PLEKHM2: variants seen among roughly 807,000 people sequenced by gnomAD.
PLEKHM2 encodes pleckstrin homology domain-containing family M member 2.
PLEKHM2 carries 77 observed loss-of-function variants against 116.3 expected under a neutral mutation model. That is an observed-to-expected ratio of 0.66 (90% CI 0.55 to 0.80). The LOEUF (loss-of-function observed/expected upper bound fraction) is 0.80, where lower values mean the gene tolerates loss of function less well. Among genes scored for constraint, PLEKHM2 ranks in the 30% least tolerant of loss-of-function variants. The probability of loss-of-function intolerance (pLI) is 0.00; values close to 1 mark genes in which losing one functional copy is unlikely to be tolerated. For missense variants in PLEKHM2, 1,183 were observed against 1,354.9 expected (o/e 0.87, Z 1.99); for synonymous variants, 562 against 571.0 (o/e 0.98, Z 0.22).
In PLEKHM2 at chr1:15,734,106, T is replaced by G; in HGVS notation, c.*172T>G. 1 of 714,468 alleles carries G rather than the reference T, an allele frequency of 1.4e-6. No homozygotes were observed. Among genetic ancestry groups the G allele is most frequent in the South Asian group, 2.0e-5 (1 of 49,540 alleles). The allele number at this position is 714,468 out of a possible 1,614,324, so 44.3% of individuals were successfully genotyped here. ...GGTCCCTCCACTCCAGGGATCCAGA[T>G]CAGGTGCCCGGCACCCCTGGGCATC... On this transcript the variant is annotated 3_prime_UTR_variant, in exon 20 of 20. Coordinates refer to ENST00000375799, the MANE Select transcript of PLEKHM2 (RefSeq NM_015164.4).
upstream of PLEKHM2, among the ~76,000 whole-genome samples, chr1:15,682,633 C>CA (rs1316014818): frequency 0.013 from 1,601 of 124,362 alleles, 45 homozygotes; most frequent in African/African-American, 0.047. Flanking sequence ...ACAAACAAAA[C>CA]AAAACAAAAC....
intron 7 of PLEKHM2, among the ~76,000 whole-genome samples, chr1:15,722,460 A>T (rs1472091372): frequency 6.6e-6 from 1 of 152,088 alleles, no homozygotes; most frequent in Non-Finnish European, 1.5e-5. Flanking sequence ...CCTGTTATTA[A>T]AGAGCCTCCT....
chr1:15,727,642 G>A lies in PLEKHM2; in HGVS notation c.1570G>A (p.Ala524Thr), dbSNP rs1178635202. Residue 524 changes from alanine to threonine, a missense_variant, in exon 9 of 20, where the codon GCT becomes ACT. Ala to Thr is a moderately conservative substitution (Grantham distance 58). Around this residue, in one of 3 missense-constraint regions of PLEKHM2, gnomAD observed 594 missense variants for 720.1 expected, o/e 0.82. Coordinates refer to ENST00000375799, the MANE Select transcript of PLEKHM2 (RefSeq NM_015164.4). This position sits in a 1 kb window ranked among gnomAD's most constrained non-coding sequence, Gnocchi z 7.5. ...PRPLEDTTRE[A>T]QELEAQLSLV... is the part of the protein sequence containing the mutation. ...GCCCCTAGAGGATACCACGAGGGAG[G>A]CTCAGGAGCTGGAGGCCCAGCTGTC... The A allele has an allele frequency of 6.3e-7, 1 of 1,593,020 alleles. No homozygotes were observed. The highest frequency in any genetic ancestry group is 1.1e-5 in the South Asian group (1 of 87,844).
chr1:15,696,349 ATTGTT>A (rs994312960), intron 1 of PLEKHM2, among the ~76,000 whole-genome samples: 3 of 151,812 alleles, frequency 2.0e-5, no homozygotes, highest in Non-Finnish European at 4.4e-5. Context: ...ATTTGTTTTT[ATTGTT>A]TTGTTTTGTT....
Position 15,706,555 on chromosome 1 carries a change from G to A in PLEKHM2, c.61-9682G>A, listed in dbSNP as rs967120338. On this transcript the variant is annotated intron_variant, in intron 1 of 19. Transcript: ENST00000375799. ...CGAGTAGCTGGGATTACAGGTGTGC[G>A]CCACCATGCCTGGCTAATTTTTTGT... 6.4e-4 allele frequency among the ~76,000 whole-genome samples: 97 copies of A among 152,148 alleles called. 1 individual carries two copies. Among genetic ancestry groups the A allele is most frequent in the African/African-American group, 2.1e-3 (89 of 41,512 alleles).
At chr1:15,695,044 C>T (rs1313010710) in intron 1 of PLEKHM2, among the ~76,000 whole-genome samples, 1 of 152,206 alleles carries the variant, frequency 6.6e-6, no homozygotes, top group Non-Finnish European at 1.5e-5. Flanking sequence ...AGGCATGAGC[C>T]ACCGCACCTG....
chr1:15,701,808 A>G (rs996355009), intron 1 of PLEKHM2, among the ~76,000 whole-genome samples: 1 of 152,010 alleles, frequency 6.6e-6, no homozygotes, highest in African/African-American at 2.4e-5. Flanking sequence ...AAAAGAAAAA[A>G]GACCCCAGCC....
chr1:15,731,296 A>G (rs2068140016), intron 16 of PLEKHM2, 39 bp downstream of exon 16: 3 of 1,457,116 alleles, frequency 2.1e-6, no homozygotes, highest in Non-Finnish European at 2.8e-6. Context: ...CCTGGGGCCC[A>G]GAGCTGCCGT....
chr1:15,733,745 A>T, intron 19 of PLEKHM2, 52 bp from the exon 20 acceptor site: 2 of 1,579,614 alleles, frequency 1.3e-6, no homozygotes, highest in Non-Finnish European at 8.6e-7. Context: ...AGCCCTGAAG[A>T]CTCCTGTGGC....
chr1:15,725,460 A>G lies in PLEKHM2; in HGVS notation c.856A>G (p.Thr286Ala). ...AGAGACTGTGTCCTCCTCTGACACC[A>G]CCCCCGTGCACACCACCTCTCAGGA... ...PAETVSSSDTTPVHTTSQEKE... is the reference protein window; with the variant it reads ...PAETVSSSDTAPVHTTSQEKE... The change falls in exon 8 of 20, where the codon ACC (threonine) becomes GCC (alanine). Residue 286 changes from threonine (T) to alanine (A), a missense_variant. Transcript: ENST00000375799. The G allele has an allele frequency of 6.4e-7, 1 of 1,574,218 alleles. No individual in the cohort carries two copies. Among genetic ancestry groups the G allele is most frequent in the Non-Finnish European group, 8.6e-7 (1 of 1,161,042 alleles).
rs138590442 is a variant in PLEKHM2 at position 15,698,695 on chromosome 1, G to A, written c.60+14077G>A. On this transcript the variant is annotated intron_variant, in intron 1 of 19. Transcript: ENST00000375799. The stretch of plus-strand genomic sequence containing the variant: ...CCCAAGTAGCTGGGATTACAGGTGC[G>A]CACCACCACACCTGGCTAATTTTTT... Among the ~76,000 whole-genome samples the A allele has an allele frequency of 3.2e-3, 484 of 151,546 alleles. 1 individual carries two copies. Among genetic ancestry groups the A allele is most frequent in the Non-Finnish European group, 5.8e-3 (396 of 67,886 alleles).
At chr1:15,690,619 A>G (rs1640871088) in intron 1 of PLEKHM2, among the ~76,000 whole-genome samples, 1 of 152,260 alleles carries the variant, frequency 6.6e-6, no homozygotes, top group African/African-American at 2.4e-5. Context: ...AAGGTAGGCC[A>G]GGGATTACTT....
intron 7 of PLEKHM2, among the ~76,000 whole-genome samples, chr1:15,724,439 C>T (rs549755450): frequency 9.9e-5 from 15 of 151,672 alleles, no homozygotes; most frequent in South Asian, 2.1e-4. Flanking sequence ...GCCGGGCTCG[C>T]GCCACTGCGC....
In PLEKHM2 at chr1:15,688,352, A is replaced by G. The variant is rs140266809; in HGVS notation, c.60+3734A>G. Among the ~76,000 whole-genome samples the G allele has an allele frequency of 2.2e-3, 342 of 152,346 alleles. 1 individual carries two copies. Among genetic ancestry groups the G allele is most frequent in the African/African-American group, 7.9e-3 (328 of 41,572 alleles). ...AGAGTTTAATAATTAACATGATTAA[A>G]TGAAAATGATAACAATAGGCCAGGC... is the stretch of plus-strand genomic sequence containing the variant. On this transcript the variant is annotated intron_variant, in intron 1 of 19. Coordinates refer to ENST00000375799, the MANE Select transcript of PLEKHM2 (RefSeq NM_015164.4).
rs568623962 is a variant in PLEKHM2 at position 15,730,545 on chromosome 1, C to A, written c.2222C>A (p.Thr741Asn). The change falls in exon 15 of 20, where the codon ACC becomes AAC. Residue 741 changes from threonine to asparagine, a missense_variant. Thr to Asn is a moderately conservative substitution (Grantham distance 65, BLOSUM62 0). Around this residue, in one of 3 missense-constraint regions of PLEKHM2, gnomAD observed 594 missense variants for 720.1 expected, o/e 0.82. Transcript: ENST00000375799. ...CCCCCGCATCAGGCATCTGCTGTCA[C>A]CGTGCGCTTCTACGGCCTTGTGCAC... is the stretch of plus-strand genomic sequence containing the variant. ...QESKCEASAV[T>N]VRFYGLVHWE... is the part of the protein sequence containing the mutation. 3.1e-6 allele frequency: 5 copies of A among 1,587,410 alleles called. No homozygotes were observed. In the African/African-American group the frequency reaches 5.4e-5, roughly 17 times the overall value.
intron 15 of PLEKHM2, 131 bp downstream of exon 15, chr1:15,730,853 A>C: frequency 1.4e-6 from 1 of 728,546 alleles, no homozygotes; most frequent in Non-Finnish European, 2.3e-6. Context: ...TCCCTTCCCT[A>C]CCAGAGCTTG....
chr1:15,690,474 A>G (rs1640867897), intron 1 of PLEKHM2, among the ~76,000 whole-genome samples: 1 of 152,244 alleles, frequency 6.6e-6, no homozygotes, highest in African/African-American at 2.4e-5. Flanking sequence ...AGTTCTGCTC[A>G]AAAGCAACCA....
rs1343574961 is a variant in PLEKHM2 at position 15,698,529 on chromosome 1, T to TTTTC, written c.60+13931_60+13934dup. Among the ~76,000 whole-genome samples the TTTTC allele has an allele frequency of 2.7e-4, 40 of 146,840 alleles. No homozygotes were observed. The East Asian group carries it at 2.9e-3, about 11-fold the overall frequency. On this transcript the variant is annotated intron_variant, in intron 1 of 19. Transcript: ENST00000375799. ...CAACAGCATTTTTGTTTTTCTTTCT[T>TTTTC]TTTCTTTCTTTCTTTCTTTCTTTTT...
intron 8 of PLEKHM2, 74 bp downstream of exon 8, chr1:15,725,619 A>C: frequency 8.9e-7 from 1 of 1,118,850 alleles, no homozygotes; most frequent in Non-Finnish European, 1.3e-6. Context: ...TCAGCTGTTC[A>C]TCCAGGGCAG....
Sources: allele counts gnomAD v4.1 joint callset (sites outside exome capture counted in the v4.1 genomes callset), GRCh38; gene constraint gnomAD v4.1.1; regional missense constraint gnomAD v4.1.1; non-coding constraint Gnocchi (gnomAD v3.1); transcripts MANE v1.5; gene names NCBI Gene and HGNC (gene_info 2026-07-23, HGNC 2026-07-21).